The following GRIP1 variants were observed in gnomAD, a reference collection of about 807,000 sequenced individuals.
The protein encoded by GRIP1 is glutamate receptor-interacting protein 1.
Under a neutral mutation model 129.9 loss-of-function variants are expected in GRIP1, and 45 were observed. That is an observed-to-expected ratio of 0.35 (90% CI 0.27 to 0.44). The LOEUF is 0.44. GRIP1 is among the 20% of genes least tolerant of loss of function. The pLI, the probability that GRIP1 is intolerant of heterozygous loss-of-function variation, is 1.00. For missense variants in GRIP1, 1,196 were observed against 1,396.8 expected (o/e 0.86, Z 2.29); for synonymous variants, 530 against 520.8 (o/e 1.02, Z -0.24).
intron 1 of GRIP1, among the ~76,000 whole-genome samples, chr12:66,825,270 T>C (rs563173369): frequency 6.6e-6 from 1 of 152,304 alleles, no homozygotes; most frequent in South Asian, 2.1e-4. Flanking sequence ...TAAAAATTTT[T>C]GCTTCGTAAT....
chr12:66,798,917 G>A (rs2038778525), intron 1 of GRIP1, among the ~76,000 whole-genome samples: 1 of 152,146 alleles, frequency 6.6e-6, no homozygotes, highest in African/African-American at 2.4e-5. Flanking sequence ...AGGGAACTAA[G>A]TAGTTACAAT....
At chr12:66,610,250 A>G (rs2064736321) in intron 1 of GRIP1, among the ~76,000 whole-genome samples, 1 of 152,144 alleles carries the variant, frequency 6.6e-6, no homozygotes, top group Non-Finnish European at 1.5e-5. Flanking sequence ...AAACACATAC[A>G]CATATATACA....
At chr12:66,602,021 GGT>G (rs2064298879) in intron 1 of GRIP1, among the ~76,000 whole-genome samples, 1 of 152,124 alleles carries the variant, frequency 6.6e-6, no homozygotes, top group African/African-American at 2.4e-5. Flanking sequence ...GTTAGGTGGA[GGT>G]GAAGCACAGG....
At chr12:66,393,361 T>C (rs187984545) in intron 17 of GRIP1, among the ~76,000 whole-genome samples, 14 of 151,942 alleles carry the variant, frequency 9.2e-5, no homozygotes, top group Admixed American at 2.6e-4. Context: ...CTATTTTTAG[T>C]AGAGATGAGG....
intron 1 of GRIP1, among the ~76,000 whole-genome samples, chr12:66,855,819 T>C (rs767787439): frequency 5.9e-5 from 9 of 152,054 alleles, no homozygotes; most frequent in Non-Finnish European, 1.0e-4. Context: ...ACTAATCCCA[T>C]AAGATATTCT....
intron 1 of GRIP1, among the ~76,000 whole-genome samples, chr12:66,759,556 C>A (rs150465940): frequency 0.035 from 5,255 of 152,292 alleles, 108 homozygotes; most frequent in Middle Eastern, 0.075. Context: ...TTTTCTACTG[C>A]ATCATCAGGC....
chr12:66,836,657 A>ATT (rs1180996311), intron 1 of GRIP1, among the ~76,000 whole-genome samples: 1 of 152,222 alleles, frequency 6.6e-6, no homozygotes, highest in Non-Finnish European at 1.5e-5. Flanking sequence ...CACTAGAAGG[A>ATT]TGAAAGACTG....
At chr12:66,503,914 T>C (rs765687241) in intron 7 of GRIP1, among the ~76,000 whole-genome samples, 19 of 152,182 alleles carry the variant, frequency 1.2e-4, no homozygotes, top group Admixed American at 3.3e-4. Context: ...GAACTTTTCA[T>C]AGGGATCTTT....
At chr12:66,908,764 T>C (rs1041542326) in intron 1 of GRIP1, among the ~76,000 whole-genome samples, 1 of 152,204 alleles carries the variant, frequency 6.6e-6, no homozygotes, top group Admixed American at 6.5e-5. Context: ...TTGATGATGG[T>C]AGCTGCAATA....
At chr12:66,556,166 C>T (rs1342374969) in intron 2 of GRIP1, among the ~76,000 whole-genome samples, 1 of 151,966 alleles carries the variant, frequency 6.6e-6, no homozygotes, top group Non-Finnish European at 1.5e-5. Context: ...AGAAAGAATC[C>T]TAAAGGCAGC....
intron 1 of GRIP1, chr12:67,069,031 G>T (rs1215857190): frequency 2.1e-6 from 2 of 967,160 alleles, no homozygotes; most frequent in African/African-American, 1.8e-5. Flanking sequence ...TCCCTCCCCG[G>T]CCCCGCCGCC....
chr12:66,650,543 A>AATATGTCTTTGAG (rs1259318888), intron 1 of GRIP1, among the ~76,000 whole-genome samples: 1 of 152,172 alleles, frequency 6.6e-6, no homozygotes, highest in African/African-American at 2.4e-5. Context: ...ACCTAATGGA[A>AATATGTCTTTGAG]ATATGTCACA....
chr12:66,886,309 A>G (rs551944981), intron 1 of GRIP1, among the ~76,000 whole-genome samples: 132 of 152,242 alleles, frequency 8.7e-4, no homozygotes, highest in Non-Finnish European at 1.7e-3. Flanking sequence ...TATATAATTG[A>G]GGCTTTTAAG....
chr12:66,890,349 G>A (rs978922577), intron 1 of GRIP1, among the ~76,000 whole-genome samples: 1 of 152,100 alleles, frequency 6.6e-6, no homozygotes, highest in African/African-American at 2.4e-5. Context: ...ACCTTATGAC[G>A]ATTAGAAATC....
At chr12:66,494,677 A>T (rs1317546660) in intron 7 of GRIP1, among the ~76,000 whole-genome samples, 1 of 152,078 alleles carries the variant, frequency 6.6e-6, no homozygotes, top group African/African-American at 2.4e-5. Context: ...GTTTGAGACC[A>T]GCCTGGGTAA....
At chr12:66,475,018 A>G (rs1021103490) in intron 7 of GRIP1, among the ~76,000 whole-genome samples, 4 of 152,224 alleles carry the variant, frequency 2.6e-5, no homozygotes, top group Non-Finnish European at 5.9e-5. Flanking sequence ...GCTCCAATTA[A>G]AAGACACAGA....
intron 1 of GRIP1, among the ~76,000 whole-genome samples, chr12:66,666,572 C>T (rs888957344): frequency 3.3e-5 from 5 of 152,036 alleles, no homozygotes; most frequent in African/African-American, 1.2e-4. Context: ...AGGCCTTCTG[C>T]CTTGACTCTG....
intron 1 of GRIP1, among the ~76,000 whole-genome samples, chr12:67,042,208 A>G (rs1261907004): frequency 6.6e-6 from 1 of 152,154 alleles, no homozygotes; most frequent in East Asian, 1.9e-4. Context: ...CAGTCTCCAG[A>G]ACTGTAAGCC....
intron 1 of GRIP1, among the ~76,000 whole-genome samples, chr12:66,884,071 A>G (rs948726332): frequency 1.3e-4 from 20 of 152,252 alleles, no homozygotes; most frequent in Admixed American, 1.3e-3. Context: ...CATTCTGGCA[A>G]CAAATTGATC....
Sources: allele counts gnomAD v4.1 joint callset (sites outside exome capture counted in the v4.1 genomes callset), GRCh38; gene constraint gnomAD v4.1.1; transcripts MANE v1.5; gene names NCBI Gene and HGNC (gene_info 2026-07-23, HGNC 2026-07-21).